Variants in PHGDH observed in about 807,000 individuals in gnomAD.
PHGDH encodes the protein phosphoglycerate dehydrogenase.
PHGDH carries 50 observed loss-of-function variants against 52.6 expected under a neutral mutation model. That is an observed-to-expected ratio of 0.95 (90% CI 0.76 to 1.20). The LOEUF is 1.20. Among genes scored for constraint, PHGDH ranks in the 50% most tolerant of loss-of-function variants. PHGDH has a pLI of 0.00. For synonymous variants in PHGDH, 271 were observed against 280.5 expected (o/e 0.97, Z 0.34); for missense variants, 630 against 684.6 (o/e 0.92, Z 0.89).
At chr1:119,717,232 CAAAAAAAAAAAAAAAAA>C (rs58549149) in intron 1 of PHGDH, among the ~76,000 whole-genome samples, 5 of 37,354 alleles carry the variant, frequency 1.3e-4, no homozygotes, top group African/African-American at 5.4e-4. Flanking sequence ...AACTCTGTCT[CAAAAAAAAAAAAAAAAA>C]AAAAAAAAAA....
chr1:119,733,528 G>A (rs931529270), intron 5 of PHGDH, among the ~76,000 whole-genome samples: 1 of 139,252 alleles, frequency 7.2e-6, no homozygotes, highest in Non-Finnish European at 1.5e-5. Flanking sequence ...AGGGGGGGGG[G>A]TCTGACTATG....
At chr1:119,716,668 C>T (rs1650950803) in intron 1 of PHGDH, among the ~76,000 whole-genome samples, 1 of 152,134 alleles carries the variant, frequency 6.6e-6, no homozygotes, top group Admixed American at 6.5e-5. Context: ...GTGGTCCCTT[C>T]TCCTCTTGCT....
intron 5 of PHGDH, among the ~76,000 whole-genome samples, chr1:119,733,820 C>T (rs1397663244): frequency 1.3e-5 from 2 of 152,168 alleles, no homozygotes; most frequent in African/African-American, 2.4e-5. Context: ...CCTGGGCTCA[C>T]TCTTTACATT....
chr1:119,740,345 G>A (rs1478981380), intron 8 of PHGDH, 41 bp from the exon 9 acceptor site: 2 of 1,612,892 alleles, frequency 1.2e-6, no homozygotes, highest in Non-Finnish European at 1.7e-6. Context: ...GATCTGCCAT[G>A]CCTCTTCCTG....
At chr1:119,740,872 T>G (rs369442072) in intron 9 of PHGDH, among the ~76,000 whole-genome samples, 1 of 151,920 alleles carries the variant, frequency 6.6e-6, no homozygotes, top group African/African-American at 2.4e-5. Flanking sequence ...TGGATTCTGG[T>G]TTTTGGCCCT....
intron 5 of PHGDH, 168 bp from the exon 6 acceptor site, chr1:119,734,466 G>A (rs189265706): frequency 6.9e-6 from 5 of 720,856 alleles, no homozygotes; most frequent in Middle Eastern, 3.4e-4. Context: ...ATAGTACTTA[G>A]TATGTGGAAC....
At chr1:119,718,501 T>G (rs965348579) in intron 1 of PHGDH, among the ~76,000 whole-genome samples, 2 of 152,244 alleles carry the variant, frequency 1.3e-5, no homozygotes, top group African/African-American at 4.8e-5. Flanking sequence ...CCCTATCTTC[T>G]TGACATCTTG....
intron 5 of PHGDH, among the ~76,000 whole-genome samples, chr1:119,731,052 C>T (rs754473609): frequency 2.0e-5 from 3 of 152,186 alleles, no homozygotes; most frequent in Non-Finnish European, 2.9e-5. Context: ...AGCAGCTAGA[C>T]AAGTTTTAGA....
At chr1:119,734,389 C>T in intron 5 of PHGDH, 1 of 493,122 alleles carries the variant, frequency 2.0e-6, no homozygotes, top group South Asian at 1.9e-5. Flanking sequence ...CAGACAAGAA[C>T]AGTCCCAGCA....
At chr1:119,728,263 G>C (rs1651535599) in intron 5 of PHGDH, among the ~76,000 whole-genome samples, 1 of 152,154 alleles carries the variant, frequency 6.6e-6, no homozygotes, top group Non-Finnish European at 1.5e-5. Flanking sequence ...CTCACAGGGA[G>C]GGTGCTTGTG....
rs34327221 is a variant in PHGDH at position 119,724,659 on chromosome 1, A to ATTT, written c.356+1233_356+1235dup. ...TTCACTTCAGCTATTACCTTCAGGG[A>ATTT]TTTTTTTTTTTTTTTTTGAGTAAGG... is the stretch of plus-strand genomic sequence containing the variant. On this transcript the variant is annotated intron_variant, in intron 3 of 11. Transcript: ENST00000641023. The ATTT allele has an allele frequency of 6.6e-3, 2,292 of 348,102 alleles. 3 individuals carry two copies. The highest frequency in any genetic ancestry group is 0.013 in the East Asian group (167 of 12,986). 21.6% of individuals were successfully genotyped at this position (348,102 alleles called of 1,614,324 possible).
At chr1:119,742,705 G>A in intron 10 of PHGDH, 102 bp from the exon 11 acceptor site, 6 of 771,826 alleles carry the variant, frequency 7.8e-6, no homozygotes, top group Non-Finnish European at 1.4e-5. Flanking sequence ...ACATTATCCA[G>A]GCTGGAGCCC....
chr1:119,726,810 G>A, intron 3 of PHGDH, 41 bp from the exon 4 acceptor site: 1 of 1,563,358 alleles, frequency 6.4e-7, no homozygotes, highest in Non-Finnish European at 8.8e-7. Flanking sequence ...GGGCTGGCGG[G>A]AGTCCGAATG....
intron 1 of PHGDH, among the ~76,000 whole-genome samples, chr1:119,719,468 A>T (rs1651058874): frequency 1.3e-5 from 2 of 152,062 alleles, no homozygotes; most frequent in South Asian, 4.2e-4. Context: ...ACATAAAAGG[A>T]TTTGGAGTGT....
intron 5 of PHGDH, 157 bp downstream of exon 5, chr1:119,727,259 A>G: frequency 1.5e-6 from 1 of 676,402 alleles, no homozygotes; most frequent in Admixed American, 2.1e-5. Context: ...GAGGGAGAGA[A>G]CACTGGCCTG....
intron 1 of PHGDH, among the ~76,000 whole-genome samples, chr1:119,716,546 C>T (rs746713513): frequency 1.4e-4 from 21 of 151,976 alleles, no homozygotes; most frequent in African/African-American, 5.1e-4. Context: ...GAAGGATGGA[C>T]CCTTAAGGCC....
intron 8 of PHGDH, among the ~76,000 whole-genome samples, chr1:119,738,067 GT>G (rs370672656): frequency 0.14 from 21,013 of 146,712 alleles, 1,754 homozygotes; most frequent in African/African-American, 0.24. Flanking sequence ...TCCATGGGGT[GT>G]TTTTTTTTTT....
At chr1:119,742,594 C>T (rs751191221) in intron 10 of PHGDH, 1 of 611,718 alleles carries the variant, frequency 1.6e-6, no homozygotes, top group Non-Finnish European at 2.9e-6. Flanking sequence ...ATCTCTTTGC[C>T]CTCCCTTTAA....
intron 6 of PHGDH, 164 bp from the exon 7 acceptor site, chr1:119,735,131 A>G: frequency 1.1e-6 from 1 of 876,084 alleles, no homozygotes; most frequent in Non-Finnish European, 1.9e-6. Flanking sequence ...CTCCTGCCCC[A>G]GAGCATCTGA....
Sources: gnomAD v4.1 joint callset for allele counts (sites outside exome capture counted in the v4.1 genomes callset) on GRCh38, gnomAD v4.1.1 for gene constraint, MANE v1.5 for transcripts, NCBI Gene and HGNC (gene_info 2026-07-23, HGNC 2026-07-21) for gene names.